The following DGKI variants were observed in gnomAD, a reference collection of about 807,000 sequenced individuals.
DGKI encodes the protein diacylglycerol kinase iota.
Under a neutral mutation model 147.5 loss-of-function variants are expected in DGKI, and 55 were observed. That is an observed-to-expected ratio of 0.37 (90% CI 0.30 to 0.47). The LOEUF is 0.47. Ranked by LOEUF, DGKI falls within the 20% of genes least tolerant of loss-of-function variation. The pLI is 1.00. For missense variants in DGKI, 1,007 were observed against 1,323.8 expected, an observed-to-expected ratio of 0.76 and a Z score of 3.71; for synonymous variants, 469 against 477.1, an observed-to-expected ratio of 0.98 and a Z score of 0.22.
intron 20 of DGKI, among the ~76,000 whole-genome samples, chr7:137,535,331 C>T (rs995692662): frequency 5.9e-5 from 9 of 152,018 alleles, no homozygotes; most frequent in African/African-American, 1.7e-4. Flanking sequence ...GCTATTCAGA[C>T]CCTAATTTTC....
chr7:137,478,051 G>A (rs868080855), intron 23 of DGKI, among the ~76,000 whole-genome samples: 4 of 152,098 alleles, frequency 2.6e-5, no homozygotes, highest in Admixed American at 6.6e-5. Flanking sequence ...ACAAAAATGC[G>A]CACCATAAAG....
chr7:137,527,221 A>G (rs1353592263), intron 20 of DGKI, among the ~76,000 whole-genome samples: 1 of 152,198 alleles, frequency 6.6e-6, no homozygotes, highest in Non-Finnish European at 1.5e-5. Flanking sequence ...CTGGCAAATA[A>G]TAAGTGGTCA....
intron 20 of DGKI, among the ~76,000 whole-genome samples, chr7:137,532,078 CA>C (rs202231977): frequency 4.0e-5 from 6 of 149,818 alleles, no homozygotes; most frequent in Admixed American, 2.0e-4. Flanking sequence ...ATAAAAATAT[CA>C]AAAAAAACAG....
chr7:137,383,238 A>G lies in DGKI; in HGVS notation c.*7982T>C, dbSNP rs1442439323. 1.3e-5 allele frequency: 2 copies of G among 151,284 alleles called. No individual in the cohort carries two copies. Among genetic ancestry groups the G allele is most frequent in the Non-Finnish European group, 3.0e-5 (2 of 67,742 alleles). 9.4% of individuals were successfully genotyped at this position (151,284 alleles called of 1,614,324 possible). The stretch of plus-strand genomic sequence containing the variant: ...TAACAATTGGCAAAATTGCTAGCCA[A>G]TTTCCAAATCTCCTAAATTGGCTAA... On this transcript the variant is annotated 3_prime_UTR_variant, in exon 33 of 33. Transcript: ENST00000614521.
At chr7:137,691,964 C>T (rs2116464795) in intron 1 of DGKI, among the ~76,000 whole-genome samples, 1 of 152,042 alleles carries the variant, frequency 6.6e-6, no homozygotes, top group East Asian at 1.9e-4. Context: ...TTTATATAAT[C>T]CCCGAAAGGG....
intron 28 of DGKI, among the ~76,000 whole-genome samples, chr7:137,418,689 T>A (rs1052475417): frequency 1.3e-5 from 2 of 152,222 alleles, no homozygotes; most frequent in African/African-American, 4.8e-5. Flanking sequence ...CACATTGTTG[T>A]CTGCCCATAG....
chr7:137,505,774 GA>G (rs1384548039), intron 21 of DGKI, among the ~76,000 whole-genome samples: 2 of 143,338 alleles, frequency 1.4e-5, no homozygotes, highest in East Asian at 4.1e-4. Context: ...CCAACAATAA[GA>G]GAGCCAATTA....
At chr7:137,734,906 C>T (rs900944416) in intron 1 of DGKI, among the ~76,000 whole-genome samples, 14 of 152,108 alleles carry the variant, frequency 9.2e-5, no homozygotes, top group African/African-American at 3.1e-4. Flanking sequence ...TATTTGTCAA[C>T]TACTCCCTCT....
chr7:137,611,036 C>A (rs1440980401), intron 8 of DGKI, among the ~76,000 whole-genome samples: 3 of 152,174 alleles, frequency 2.0e-5, no homozygotes, highest in Non-Finnish European at 2.9e-5. Context: ...GTTGACTCTA[C>A]TTCCCCCTGA....
rs570986155 is a variant in DGKI, at chr7:137,422,773, T to A, written c.2762-10566A>T. Among the ~76,000 whole-genome samples the A allele has an allele frequency of 1.9e-4, 29 of 151,764 alleles. No homozygotes were observed. In the East Asian group the frequency reaches 4.8e-3, roughly 25 times the overall value. Reference sequence around the variant, plus strand: ...GCGCCCGCCACCACACCTGGCTAATTTTTTGTATTTTTAGTAGAGACGGGT... The same window carrying A: ...GCGCCCGCCACCACACCTGGCTAATATTTTGTATTTTTAGTAGAGACGGGT... On this transcript the variant is annotated intron_variant, in intron 28 of 32. Coordinates refer to ENST00000614521, the MANE Select transcript of DGKI (RefSeq NM_001321708.2).
At chr7:137,830,702 A>G (rs576724660) in intron 1 of DGKI, among the ~76,000 whole-genome samples, 42 of 152,336 alleles carry the variant, frequency 2.8e-4, no homozygotes, top group African/African-American at 8.7e-4. Context: ...TTTGACTTCA[A>G]ATATTCGAAG....
chr7:137,427,375 A>C (rs1418851751), intron 28 of DGKI, among the ~76,000 whole-genome samples: 1 of 152,220 alleles, frequency 6.6e-6, no homozygotes, highest in Non-Finnish European at 1.5e-5. Context: ...ACAACATACC[A>C]GAATCTCTGG....
intron 23 of DGKI, among the ~76,000 whole-genome samples, chr7:137,481,094 T>TG (rs1310004344): frequency 6.6e-6 from 1 of 152,122 alleles, no homozygotes; most frequent in Non-Finnish European, 1.5e-5. Flanking sequence ...TATTGACATT[T>TG]GGGGCTGGAT....
chr7:137,789,803 A>G (rs1055851876), intron 1 of DGKI, among the ~76,000 whole-genome samples: 1 of 152,206 alleles, frequency 6.6e-6, no homozygotes, highest in African/African-American at 2.4e-5. Flanking sequence ...TTATTTCAAC[A>G]TACAAGTAAG....
intron 1 of DGKI, chr7:137,775,102 T>C (rs1342004387): frequency 3.3e-5 from 5 of 151,960 alleles, no homozygotes; most frequent in Non-Finnish European, 7.4e-5. Flanking sequence ...CAGGCAGAAG[T>C]TCTGACTCAT....
chr7:137,845,762 C>T (rs1163774623), intron 1 of DGKI, among the ~76,000 whole-genome samples: 2 of 152,096 alleles, frequency 1.3e-5, no homozygotes, highest in Non-Finnish European at 2.9e-5. Flanking sequence ...AATATGGTCC[C>T]CACTCTCACC....
In DGKI at chr7:137,383,956, G is replaced by C. The variant is rs1008137865; in HGVS notation, c.*7264C>G. 1 of 151,982 alleles carries C rather than the reference G, an allele frequency of 6.6e-6. No homozygotes were observed. The highest frequency in any genetic ancestry group is 2.4e-5 in the African/African-American group (1 of 41,410). The allele number at this position is 151,982 out of a possible 1,614,324, so 9.4% of individuals were successfully genotyped here. On this transcript the variant is annotated 3_prime_UTR_variant, in exon 33 of 33. Coordinates refer to ENST00000614521, the MANE Select transcript of DGKI (RefSeq NM_001321708.2). ...CTGAACTGAAGGACATTTCAAGCCT[G>C]TTTGTTTTTCTCTACTTCAAATATG... is the stretch of plus-strand genomic sequence containing the variant.
intron 10 of DGKI, among the ~76,000 whole-genome samples, chr7:137,606,557 C>T (rs1820192354): frequency 6.6e-6 from 1 of 152,296 alleles, no homozygotes; most frequent in Non-Finnish European, 1.5e-5. Flanking sequence ...GGGCCCACCC[C>T]GACTTACTGA....
chr7:137,720,512 C>T (rs888391486), intron 1 of DGKI, among the ~76,000 whole-genome samples: 11 of 152,082 alleles, frequency 7.2e-5, no homozygotes, highest in African/African-American at 2.7e-4. Flanking sequence ...CCCGCCTCGG[C>T]CTCCCAAAGT....
Sources: gnomAD v4.1 joint callset for allele counts (sites outside exome capture counted in the v4.1 genomes callset) on GRCh38, gnomAD v4.1.1 for gene constraint, MANE v1.5 for transcripts, NCBI Gene and HGNC (gene_info 2026-07-23, HGNC 2026-07-21) for gene names.